The following CROCC2 variants were observed in gnomAD, a reference collection of about 807,000 sequenced individuals.
The protein encoded by CROCC2 is ciliary rootlet coiled-coil protein 2.
Under a neutral mutation model 177.6 loss-of-function variants are expected in CROCC2, and 163 were observed. That is an observed-to-expected ratio of 0.92 (90% CI 0.81 to 1.05). CROCC2 has a LOEUF of 1.05. Among genes scored for constraint, CROCC2 ranks in the 50% least tolerant of loss-of-function variants. The probability of loss-of-function intolerance (pLI) is 0.00; values close to 1 mark genes in which losing one functional copy is unlikely to be tolerated. For missense variants in CROCC2, 1,929 were observed against 1,797.8 expected (o/e 1.07, Z -1.32); for synonymous variants, 904 against 787.3 (o/e 1.15, Z -2.48).
At position 240,935,457 on chromosome 2, in the gene CROCC2, G is replaced by A; in HGVS notation, c.2038G>A (p.Ala680Thr). ...EQLAQAEQQL[A>T]LERAERRGLQ... ...GCTGGCACAGGCGGAGCAGCAGCTG[G>A]CGCTGGAGCGGGCAGAGCGCAGGGG... Residue 680 changes from alanine (A) to threonine (T), a missense_variant, in exon 14 of 32, where the codon GCG (alanine) becomes ACG (threonine). By Grantham distance (58) the Ala-to-Thr change is moderately conservative. Coordinates refer to ENST00000690015, the MANE Select transcript of CROCC2 (RefSeq NM_001351305.2). 1 of 1,370,910 alleles carries A rather than the reference G, an allele frequency of 7.3e-7. No homozygotes were observed. Among genetic ancestry groups the A allele is most frequent in the Non-Finnish European group, 9.5e-7 (1 of 1,057,498 alleles). The allele number at this position is 1,370,910 out of a possible 1,614,324, so 84.9% of individuals were successfully genotyped here. A position where few individuals can be genotyped will look rare whatever the true frequency, so the allele number is the denominator to read the frequency against.
intron 20 of CROCC2, among the ~76,000 whole-genome samples, chr2:240,961,806 C>T (rs1381599390): frequency 1.2e-5 from 1 of 83,624 alleles, no homozygotes; most frequent in Non-Finnish European, 2.5e-5. Context: ...CACACATACA[C>T]TCACATACAC....
Position 240,974,534 on chromosome 2 carries a change from CTT to C in CROCC2, c.4401+6287_4401+6288del, listed in dbSNP as rs61276773. 4.0e-4 allele frequency among the ~76,000 whole-genome samples: 54 copies of C among 134,900 alleles called. 1 individual carries two copies. The highest frequency in any genetic ancestry group is 2.3e-3 in the South Asian group (10 of 4,370). 88.5% of individuals were successfully genotyped at this position (134,900 alleles called of 152,430 possible). Reference sequence around the variant, plus strand: ...CTTTTGTATTTTCTTTCTTTTTTTTCTTTTTTTTTTTTTTTTGTAGAGATGGT... The same window carrying C: ...CTTTTGTATTTTCTTTCTTTTTTTTCTTTTTTTTTTTTTTGTAGAGATGGT... On this transcript the variant is annotated intron_variant, in intron 27 of 31. Transcript: ENST00000690015.
chr2:240,932,270 G>T (rs191635020), intron 7 of CROCC2, 48 bp from the exon 8 acceptor site: 6 of 682,900 alleles, frequency 8.8e-6, no homozygotes, highest in Non-Finnish European at 1.7e-5. Flanking sequence ...TTGGGTGCCC[G>T]TCCTCTGGGC....
chr2:240,915,061 C>G (rs961921221), intron 1 of CROCC2, among the ~76,000 whole-genome samples: 1 of 152,182 alleles, frequency 6.6e-6, no homozygotes, highest in African/African-American at 2.4e-5. Context: ...CTTTTGCAGG[C>G]AGTATGGGCT....
At chr2:240,915,254 C>T (rs979613109) in intron 1 of CROCC2, among the ~76,000 whole-genome samples, 2 of 152,180 alleles carry the variant, frequency 1.3e-5, no homozygotes, top group African/African-American at 2.4e-5. Context: ...AGCCCTGAAA[C>T]CCCCGGTCCC....
chr2:240,927,190 C>T (rs1041433441), intron 5 of CROCC2, among the ~76,000 whole-genome samples: 19 of 152,200 alleles, frequency 1.2e-4, no homozygotes, highest in African/African-American at 4.3e-4. Flanking sequence ...GGCTCCTTAT[C>T]GAAGTAACAT....
chr2:240,971,095 G>A (rs10201798), intron 27 of CROCC2, among the ~76,000 whole-genome samples: 97,594 of 152,022 alleles, frequency 0.64, 32,480 homozygotes, highest in African/African-American at 0.82. Context: ...TTCCTTGGCT[G>A]TGCCACAGTG....
intron 20 of CROCC2, among the ~76,000 whole-genome samples, chr2:240,959,967 G>T (rs1022094530): frequency 6.6e-6 from 1 of 152,254 alleles, no homozygotes; most frequent in Non-Finnish European, 1.5e-5. Context: ...GGGAGGGCCA[G>T]CATGTGAAAG....
intron 27 of CROCC2, among the ~76,000 whole-genome samples, chr2:240,975,167 T>C (rs965214537): frequency 6.6e-6 from 1 of 152,232 alleles, no homozygotes; most frequent in Non-Finnish European, 1.5e-5. Flanking sequence ...ATTTTGAAAG[T>C]GAATAGTACA....
intron 5 of CROCC2, among the ~76,000 whole-genome samples, chr2:240,929,050 G>A (rs2059411624): frequency 1.3e-5 from 2 of 152,012 alleles, no homozygotes. Context: ...GCCCTCTGGA[G>A]GGTGTACAGC....
In CROCC2 at chr2:240,934,335, G is replaced by C. The variant is rs753204845; in HGVS notation, c.1651G>C (p.Gly551Arg). Reference protein sequence around the residue: ...RSCRALETSQGRLQQLEEKVS... With the variant: ...RSCRALETSQRRLQQLEEKVS... ...CCCTCTGGTCTGGGGCCTCAGTCAA[G>C]GCCGCCTGCAGCAGCTGGAGGAGAA... Residue 551 changes from glycine (G) to arginine (R), a missense_variant, in exon 12 of 32, where the codon GGC becomes CGC. Physicochemically the swap from Gly to Arg is moderately radical, Grantham distance 125 (BLOSUM62 -2). Coordinates refer to ENST00000690015, the MANE Select transcript of CROCC2 (RefSeq NM_001351305.2). 2.9e-5 allele frequency: 45 copies of C among 1,548,338 alleles called. No homozygotes were observed. Among genetic ancestry groups the C allele is most frequent in the Non-Finnish European group, 3.6e-5 (41 of 1,146,830 alleles).
intron 15 of CROCC2, among the ~76,000 whole-genome samples, chr2:240,946,932 A>G (rs146721775): frequency 7.5e-4 from 114 of 152,342 alleles, no homozygotes; most frequent in African/African-American, 2.6e-3. Flanking sequence ...GGTGAGCCCA[A>G]AGGCCCTCAG....
intron 4 of CROCC2, among the ~76,000 whole-genome samples, 188 bp from the exon 5 acceptor site, chr2:240,925,536 C>G (rs1210590751): frequency 6.6e-6 from 1 of 152,162 alleles, no homozygotes; most frequent in African/African-American, 2.4e-5. Flanking sequence ...GATGCTGGCA[C>G]TCAGTTTAGG....
chr2:240,991,809 T>A (rs1313431688), intron 31 of CROCC2, among the ~76,000 whole-genome samples: 2 of 152,172 alleles, frequency 1.3e-5, no homozygotes, highest in African/African-American at 4.8e-5. Flanking sequence ...TGCCCTCAGC[T>A]CTGTAAACAC....
At position 240,949,184 on chromosome 2, in the gene CROCC2, G is replaced by T; in HGVS notation, c.2482+87G>T. 6.9e-7 allele frequency: 1 copy of T among 1,451,068 alleles called. No homozygotes were observed. Among genetic ancestry groups the T allele is most frequent in the Non-Finnish European group, 9.0e-7 (1 of 1,106,280 alleles). 89.9% of individuals were successfully genotyped at this position (1,451,068 alleles called of 1,614,324 possible). A position where few individuals can be genotyped will look rare whatever the true frequency, so the allele number is the denominator to read the frequency against. On this transcript the variant is annotated intron_variant, in intron 16 of 31. Transcript: ENST00000690015. The surrounding 1 kb of genome is among the most constrained non-coding windows in gnomAD (Gnocchi z 4.5). ...ATGGAGCTCAGTGCCCACACGTGCT[G>T]CACCCCCTCTCCGGAGCCCACAGGG...
intron 5 of CROCC2, among the ~76,000 whole-genome samples, chr2:240,927,856 G>A (rs577829652): frequency 2.8e-4 from 42 of 152,336 alleles, no homozygotes; most frequent in Admixed American, 1.4e-3. Flanking sequence ...TCACAATGTT[G>A]ACCAGGCTGG....
chr2:240,991,798 G>A (rs1279333266), intron 31 of CROCC2, among the ~76,000 whole-genome samples: 3 of 152,220 alleles, frequency 2.0e-5, no homozygotes, highest in Non-Finnish European at 2.9e-5. Flanking sequence ...GCTTCATTCC[G>A]TGCCCTCAGC....
At chr2:240,957,497 G>A (rs2059599198) in intron 19 of CROCC2, 1 of 152,282 alleles carries the variant, frequency 6.6e-6, no homozygotes, top group South Asian at 2.1e-4. Context: ...GGCACGCGCA[G>A]GCCGCCTGCT....
intron 1 of CROCC2, among the ~76,000 whole-genome samples, chr2:240,912,148 T>C (rs1471260582): frequency 1.3e-5 from 2 of 152,194 alleles, no homozygotes; most frequent in Non-Finnish European, 2.9e-5. Context: ...AGGCAAGGTT[T>C]ATCTGTCTGT....
Sources: gnomAD v4.1 joint callset for allele counts (sites outside exome capture counted in the v4.1 genomes callset) on GRCh38, gnomAD v4.1.1 for gene constraint, Gnocchi (gnomAD v3.1) non-coding constraint, MANE v1.5 for transcripts, NCBI Gene and HGNC (gene_info 2026-07-23, HGNC 2026-07-21) for gene names.